The following NSD1 variants were observed in gnomAD, a reference collection of about 807,000 sequenced individuals.
NSD1 encodes the protein nuclear receptor binding SET domain protein 1.
NSD1 carries 26 observed loss-of-function variants against 242.7 expected under a neutral mutation model. The ratio of observed to expected loss-of-function variants is 0.11; its 90% CI spans 0.08 to 0.15. The LOEUF (loss-of-function observed/expected upper bound fraction) is 0.15, where lower values mean the gene tolerates loss of function less well. Ranked by LOEUF, NSD1 falls within the 10% of genes least tolerant of loss-of-function variation. The pLI is 1.00. For synonymous variants in NSD1, 1,106 were observed against 1,178.1 expected, an observed-to-expected ratio of 0.94 and a Z score of 1.25; for missense variants, 2,495 against 3,272.8, an observed-to-expected ratio of 0.76 and a Z score of 5.80.
At chr5:177,259,517 A>G (rs1756816690) in intron 13 of NSD1, among the ~76,000 whole-genome samples, 4 of 152,164 alleles carry the variant, frequency 2.6e-5, no homozygotes, top group Admixed American at 1.3e-4. Context: ...TCTCGTTTTT[A>G]ATTGTTATTA....
In NSD1 at chr5:177,294,548, A is replaced by T. The variant is rs1554207690; in HGVS notation, c.7180A>T (p.Ile2394Phe). 1 of 1,614,196 alleles carries T rather than the reference A, an allele frequency of 6.2e-7. No homozygotes were observed. The highest frequency in any genetic ancestry group is 2.2e-5 in the East Asian group (1 of 44,890). ...LRLPPPDRLL[I>F]TSSPKPQTSD... ...ACTTCCGCCGCCAGACAGACTGCTC[A>T]TTACTAGCAGTCCCAAACCCCAGAC... Residue 2394 changes from isoleucine to phenylalanine, a missense_variant, in exon 23 of 23, where the codon ATT becomes TTT. Around this residue, in one of 19 missense-constraint regions of NSD1, gnomAD observed 475 missense variants for 563.7 expected, o/e 0.84. Transcript: ENST00000439151.
chr5:177,233,148 C>A (rs1388367180), intron 5 of NSD1, among the ~76,000 whole-genome samples: 2 of 152,172 alleles, frequency 1.3e-5, no homozygotes, highest in Non-Finnish European at 2.9e-5. Flanking sequence ...AATTATGGCT[C>A]ACAGTAGCCT....
intron 2 of NSD1, among the ~76,000 whole-genome samples, chr5:177,159,592 A>ATT (rs1758563745): frequency 1.4e-5 from 2 of 139,410 alleles, no homozygotes; most frequent in African/African-American, 5.4e-5. Context: ...CCTAAGTCTG[A>ATT]ATTTTTTTTT....
intron 18 of NSD1, among the ~76,000 whole-genome samples, chr5:177,281,826 T>C (rs1758914901): frequency 2.0e-5 from 3 of 152,128 alleles, no homozygotes; most frequent in African/African-American, 7.2e-5. Context: ...CTAATTTTTG[T>C]ATTTTTTGTG....
At chr5:177,279,610 ATT>A (rs536478404) in intron 17 of NSD1, among the ~76,000 whole-genome samples, 10 of 95,426 alleles carry the variant, frequency 1.0e-4, no homozygotes, top group African/African-American at 3.1e-4. Flanking sequence ...AGCTTTGAAA[ATT>A]TTTTTTTTTT....
intron 2 of NSD1, among the ~76,000 whole-genome samples, chr5:177,138,725 C>T (rs754209749): frequency 1.3e-4 from 20 of 151,838 alleles, no homozygotes; most frequent in Non-Finnish European, 2.5e-4. Flanking sequence ...CTGCAATCTC[C>T]GCCTTCTGGG....
chr5:177,147,674 C>T (rs1757367321), intron 2 of NSD1, among the ~76,000 whole-genome samples: 1 of 151,840 alleles, frequency 6.6e-6, no homozygotes, highest in Non-Finnish European at 1.5e-5. Flanking sequence ...ACTGCAACCT[C>T]CGCCTCCCAG....
At chr5:177,158,961 T>C (rs905978834) in intron 2 of NSD1, among the ~76,000 whole-genome samples, 12 of 142,266 alleles carry the variant, frequency 8.4e-5, no homozygotes, top group African/African-American at 3.1e-4. Flanking sequence ...CATATATATA[T>C]ACACACACAT....
intron 12 of NSD1, among the ~76,000 whole-genome samples, chr5:177,253,624 C>T (rs1172987272): frequency 6.6e-6 from 1 of 151,738 alleles, no homozygotes; most frequent in African/African-American, 2.4e-5. Context: ...CCCTTCCCTC[C>T]CCCTCCCATT....
intron 4 of NSD1, among the ~76,000 whole-genome samples, chr5:177,204,917 G>A (rs1458093238): frequency 3.9e-5 from 6 of 152,068 alleles, no homozygotes; most frequent in Admixed American, 1.3e-4. Flanking sequence ...ATGACATAGC[G>A]TGACCATTCT....
rs1760415778 is a variant in NSD1, at chr5:177,298,893, A to T, written c.*3434A>T. The stretch of plus-strand genomic sequence containing the variant: ...ATTTTACTAAGGTTTTTTAAATGAT[A>T]CTGTCATCCTCTTGGGGTTTATCAG... On this transcript the variant is annotated 3_prime_UTR_variant, in exon 23 of 23. Transcript: ENST00000439151. 4.3e-6 allele frequency: 1 copy of T among 233,000 alleles called. No individual in the cohort carries two copies. Among genetic ancestry groups the T allele is most frequent in the Non-Finnish European group, 8.5e-6 (1 of 117,946 alleles). The allele number at this position is 233,000 out of a possible 1,614,324, so 14.4% of individuals were successfully genotyped here.
chr5:177,155,116 G>A (rs10476218), intron 2 of NSD1, among the ~76,000 whole-genome samples: 15,406 of 151,402 alleles, frequency 0.1, 1,317 homozygotes, highest in African/African-American at 0.24. Context: ...TCAGCCTCCC[G>A]AGTAGCTGGG....
At position 177,239,969 on chromosome 5, in the gene NSD1, G is replaced by C. The variant is rs983289421; in HGVS notation, c.4302+104G>C. 2.3e-5 allele frequency: 16 copies of C among 705,632 alleles called. No individual in the cohort carries two copies. The African/African-American group carries it at 2.9e-4, about 13-fold the overall frequency. 43.7% of individuals were successfully genotyped at this position (705,632 alleles called of 1,614,324 possible). On this transcript the variant is annotated intron_variant, in intron 8 of 22. Transcript: ENST00000439151. ...TATAACATTGATGTACATACATATA[G>C]AAATTAGTGTGTGTGTCAGCAGTCA... is the stretch of plus-strand genomic sequence containing the variant.
chr5:177,155,867 G>C (rs1215550966), intron 2 of NSD1, among the ~76,000 whole-genome samples: 1 of 150,320 alleles, frequency 6.7e-6, no homozygotes, highest in East Asian at 2.0e-4. Flanking sequence ...AATACACCCA[G>C]GTAATTTTTT....
In NSD1 at chr5:177,181,979, T is replaced by C. The variant is rs190927327; in HGVS notation, c.928-9905T>C. Among the ~76,000 whole-genome samples the C allele has an allele frequency of 6.6e-3, 1,003 of 151,938 alleles. 7 individuals carry two copies. The highest frequency in any genetic ancestry group is 0.018 in the African/African-American group (744 of 41,504). ...CATCCTGGCTAACACGGTGAAACCC[T>C]GTCTCTACTAAAAATACAAAAAATT... On this transcript the variant is annotated intron_variant, in intron 2 of 22. Coordinates refer to ENST00000439151, the MANE Select transcript of NSD1 (RefSeq NM_022455.5).
chr5:177,279,856 A>G (rs1021773884), intron 17 of NSD1, among the ~76,000 whole-genome samples: 1 of 150,978 alleles, frequency 6.6e-6, no homozygotes, highest in African/African-American at 2.4e-5. Context: ...TGACCTCGTG[A>G]TCCACCTGCC....
chr5:177,290,003 A>G (rs894254431), intron 21 of NSD1, among the ~76,000 whole-genome samples: 4 of 150,952 alleles, frequency 2.6e-5, no homozygotes, highest in Non-Finnish European at 5.9e-5. Flanking sequence ...AATTTTTTAT[A>G]TTTTTAGTAG....
chr5:177,164,664 A>G (rs1292751841), intron 2 of NSD1, among the ~76,000 whole-genome samples: 1 of 152,120 alleles, frequency 6.6e-6, no homozygotes, highest in Non-Finnish European at 1.5e-5. Flanking sequence ...TAAAACGGCC[A>G]GGCACGGTGG....
In NSD1 at chr5:177,246,857, C is replaced by A. The variant is rs1766339967; in HGVS notation, c.4497+61C>A. 9 of 1,146,752 alleles carry A rather than the reference C, an allele frequency of 7.8e-6. No homozygotes were observed. In the South Asian group the frequency reaches 1.1e-4, roughly 14 times the overall value. The allele number at this position is 1,146,752 out of a possible 1,614,324, so 71.0% of individuals were successfully genotyped here. A position where few individuals can be genotyped will look rare whatever the true frequency, so the allele number is the denominator to read the frequency against. ...GAGAAGCTACTTTTCACGCCAGAGG[C>A]CACATCCCTCTTTCCCTTGAGTTTT... On this transcript the variant is annotated intron_variant, in intron 10 of 22. Transcript: ENST00000439151.
Sources: gnomAD v4.1 joint callset for allele counts (sites outside exome capture counted in the v4.1 genomes callset) on GRCh38, gnomAD v4.1.1 for gene constraint, gnomAD v4.1.1 regional missense constraint, MANE v1.5 for transcripts, NCBI Gene and HGNC (gene_info 2026-07-23, HGNC 2026-07-21) for gene names.